Variants in FHIT observed in about 807,000 individuals in gnomAD.
FHIT encodes the protein bis(5'-adenosyl)-triphosphatase.
FHIT carries 19 observed loss-of-function variants against 17.9 expected under a neutral mutation model. The ratio of observed to expected loss-of-function variants is 1.06; its 90% CI spans 0.74 to 1.56. FHIT has a LOEUF of 1.56. Ranked by LOEUF, FHIT falls within the 40% of genes most tolerant of loss-of-function variation. The pLI, the probability that FHIT is intolerant of heterozygous loss-of-function variation, is 0.00. For synonymous variants in FHIT, 81 were observed against 69.7 expected (o/e 1.16, Z -0.81); for missense variants, 248 against 189.2 (o/e 1.31, Z -1.82).
intron 4 of FHIT, among the ~76,000 whole-genome samples, chr3:60,772,560 A>T (rs1166044318): frequency 6.6e-6 from 1 of 152,078 alleles, no homozygotes; most frequent in Non-Finnish European, 1.5e-5. Context: ...TCAAGCTGCC[A>T]AGCTAGCTTT....
At chr3:61,048,764 G>T (rs1290364102) in intron 2 of FHIT, among the ~76,000 whole-genome samples, 2 of 152,076 alleles carry the variant, frequency 1.3e-5, no homozygotes, top group African/African-American at 2.4e-5. Flanking sequence ...AGAAAATGTG[G>T]CACATATACA....
Position 60,317,826 on chromosome 3 carries a change from T to C in FHIT, c.103+219034A>G, listed in dbSNP as rs368274741. On this transcript the variant is annotated intron_variant, in intron 5 of 9. Coordinates refer to ENST00000492590, the MANE Select transcript of FHIT (RefSeq NM_002012.4). ...TTTATTTTGAGACAGGGTCTCACTC[T>C]GTTGCTGAGGCTGTAGTACAGTGGT... Among the ~76,000 whole-genome samples the C allele has an allele frequency of 5.3e-5, 8 of 151,100 alleles. No homozygotes were observed. In the East Asian group the frequency reaches 5.8e-4, roughly 11 times the overall value.
chr3:60,528,899 G>A (rs1661954868), intron 5 of FHIT, among the ~76,000 whole-genome samples: 1 of 152,168 alleles, frequency 6.6e-6, no homozygotes, highest in Non-Finnish European at 1.5e-5. Flanking sequence ...AACCACCTTT[G>A]ACATTGGTCA....
chr3:60,745,442 C>A (rs935020705), intron 4 of FHIT, among the ~76,000 whole-genome samples: 7 of 152,100 alleles, frequency 4.6e-5, no homozygotes, highest in Admixed American at 3.9e-4. Flanking sequence ...CCGTGCAAGG[C>A]CTTGTGGAGC....
At chr3:60,329,043 G>C (rs576432798) in intron 5 of FHIT, among the ~76,000 whole-genome samples, 8 of 152,284 alleles carry the variant, frequency 5.3e-5, no homozygotes, top group East Asian at 1.9e-4. Flanking sequence ...GAAAATTACT[G>C]TCCCTTAGCA....
chr3:59,916,479 A>G (rs1575691314), intron 8 of FHIT, among the ~76,000 whole-genome samples: 1 of 152,114 alleles, frequency 6.6e-6, no homozygotes, highest in East Asian at 1.9e-4. Context: ...TCTCCTTCAT[A>G]TATACATCTA....
Position 61,102,907 on chromosome 3 carries a change from T to C in FHIT, c.-163-60808A>G, listed in dbSNP as rs551049737. ...GTGGGATCAGTGGTGATATCCCCTT[T>C]ATCATTTTTTATTGCATCTATTTGA... On this transcript the variant is annotated intron_variant, in intron 2 of 9. Transcript: ENST00000492590. Among the ~76,000 whole-genome samples the C allele has an allele frequency of 2.0e-5, 3 of 152,358 alleles. No homozygotes were observed. The South Asian group carries it at 6.2e-4, about 32-fold the overall frequency.
At chr3:59,817,975 AG>A (rs994840591) in intron 8 of FHIT, among the ~76,000 whole-genome samples, 11 of 152,098 alleles carry the variant, frequency 7.2e-5, no homozygotes, top group African/African-American at 2.4e-4. Flanking sequence ...AGAGGAAGGG[AG>A]GGAGAAACTA....
chr3:61,003,769 T>C (rs907530002), intron 3 of FHIT, among the ~76,000 whole-genome samples: 4 of 152,284 alleles, frequency 2.6e-5, no homozygotes, highest in Non-Finnish European at 4.4e-5. Flanking sequence ...TATATCTTAC[T>C]GAAAAGTTGC....
intron 4 of FHIT, among the ~76,000 whole-genome samples, chr3:60,577,425 C>T (rs1479002007): frequency 6.6e-6 from 1 of 152,106 alleles, no homozygotes; most frequent in Non-Finnish European, 1.5e-5. Context: ...CATTAAATAT[C>T]TGAATTATGA....
chr3:60,098,660 G>A (rs958198685), intron 5 of FHIT, among the ~76,000 whole-genome samples: 6 of 152,192 alleles, frequency 3.9e-5, no homozygotes, highest in African/African-American at 1.2e-4. Context: ...CTCCCATTTT[G>A]TAGGTTGCCT....
At chr3:60,942,940 A>G (rs782373292) in intron 3 of FHIT, among the ~76,000 whole-genome samples, 6 of 152,178 alleles carry the variant, frequency 3.9e-5, no homozygotes, top group Non-Finnish European at 7.4e-5. Flanking sequence ...TGACAGGTAC[A>G]GTTTTGAGTT....
At chr3:60,980,229 A>T (rs1710436026) in intron 3 of FHIT, among the ~76,000 whole-genome samples, 1 of 152,244 alleles carries the variant, frequency 6.6e-6, no homozygotes, top group Admixed American at 6.5e-5. Flanking sequence ...TACTCTGTAT[A>T]AAGCATAAGA....
intron 3 of FHIT, among the ~76,000 whole-genome samples, chr3:61,017,066 C>T (rs1268157558): frequency 6.6e-6 from 1 of 152,172 alleles, no homozygotes; most frequent in African/African-American, 2.4e-5. Flanking sequence ...GTGAGCAGAT[C>T]GCCTGAGGTC....
At chr3:60,373,853 G>A (rs1328982373) in intron 5 of FHIT, among the ~76,000 whole-genome samples, 2 of 152,148 alleles carry the variant, frequency 1.3e-5, no homozygotes, top group East Asian at 3.9e-4. Flanking sequence ...AAAGATTAAA[G>A]GCAGAAAGAC....
intron 5 of FHIT, among the ~76,000 whole-genome samples, chr3:60,276,472 G>A (rs1707143138): frequency 6.6e-6 from 1 of 152,126 alleles, no homozygotes; most frequent in African/African-American, 2.4e-5. Flanking sequence ...GAACCCAAGA[G>A]TCTATAAAAT....
At chr3:59,997,479 T>C (rs1394182750) in intron 7 of FHIT, among the ~76,000 whole-genome samples, 1 of 152,164 alleles carries the variant, frequency 6.6e-6, no homozygotes, top group East Asian at 1.9e-4. Flanking sequence ...GCTGGTAAAA[T>C]GTTAGTCGTT....
chr3:60,420,442 G>GATT (rs1475054916), intron 5 of FHIT, among the ~76,000 whole-genome samples: 1 of 152,068 alleles, frequency 6.6e-6, no homozygotes, highest in Non-Finnish European at 1.5e-5. Context: ...TTCACAAAGA[G>GATT]ATTACTGTGT....
At chr3:60,718,123 T>C (rs782593349) in intron 4 of FHIT, among the ~76,000 whole-genome samples, 3 of 152,252 alleles carry the variant, frequency 2.0e-5, no homozygotes, top group Non-Finnish European at 2.9e-5. Context: ...TTCATGGTTT[T>C]ATATGAATGC....
Sources: allele counts gnomAD v4.1 joint callset (sites outside exome capture counted in the v4.1 genomes callset), GRCh38; gene constraint gnomAD v4.1.1; transcripts MANE v1.5; gene names NCBI Gene and HGNC (gene_info 2026-07-23, HGNC 2026-07-21).